MOBP: variants seen among roughly 807,000 people sequenced by gnomAD.
MOBP encodes myelin-associated oligodendrocyte basic protein.
MOBP carries 5 observed loss-of-function variants against 15.0 expected under a neutral mutation model. The ratio of observed to expected loss-of-function variants is 0.33; its 90% confidence interval spans 0.17 to 0.70. The LOEUF is 0.70. MOBP is among the 30% of genes least tolerant of loss of function. The probability of loss-of-function intolerance (pLI) is 0.67; values close to 1 mark genes in which losing one functional copy is unlikely to be tolerated. For missense variants in MOBP, 188 were observed against 257.8 expected, an observed-to-expected ratio of 0.73 and a Z score of 1.85; for synonymous variants, 88 against 99.0, an observed-to-expected ratio of 0.89 and a Z score of 0.66.
chr3:39,506,758 A>G (rs1248247755), downstream of MOBP, among the ~76,000 whole-genome samples: 1 of 152,190 alleles, frequency 6.6e-6, no homozygotes, highest in Non-Finnish European at 1.5e-5. Flanking sequence ...TGGCACCTGG[A>G]AGTGGGGCTG....
chr3:39,475,106 C>T (rs73066230), intron 1 of MOBP, among the ~76,000 whole-genome samples: 2,894 of 152,138 alleles, frequency 0.019, 50 homozygotes, highest in Non-Finnish European at 0.029. Context: ...CTCAGTTTTT[C>T]GTTGTCTTTC....
intron 1 of MOBP, among the ~76,000 whole-genome samples, chr3:39,474,885 G>A (rs1440634042): frequency 2.0e-5 from 3 of 152,054 alleles, no homozygotes; most frequent in African/African-American, 4.8e-5. Flanking sequence ...CCTTTACATT[G>A]CTTTCTTTAA....
intron 3 of MOBP, among the ~76,000 whole-genome samples, chr3:39,523,824 AC>A (rs1236613456): frequency 1.3e-5 from 2 of 152,178 alleles, no homozygotes; most frequent in Non-Finnish European, 2.9e-5. Context: ...CTGGGCTGAG[AC>A]ATGGTTTTAT....
chr3:39,477,055 A>G (rs553533820), intron 1 of MOBP, among the ~76,000 whole-genome samples: 3 of 152,030 alleles, frequency 2.0e-5, no homozygotes, highest in Admixed American at 6.5e-5. Flanking sequence ...GGTCAGACCT[A>G]TTTTATCTTT....
intron 1 of MOBP, among the ~76,000 whole-genome samples, chr3:39,471,419 G>T (rs1187332428): frequency 1.3e-5 from 2 of 152,128 alleles, no homozygotes; most frequent in African/African-American, 4.8e-5. Flanking sequence ...GTGAGCCACT[G>T]CACCCAGCAA....
At chr3:39,518,416 G>C (rs547706963), downstream of MOBP, among the ~76,000 whole-genome samples, 1 of 152,322 alleles carries the variant, frequency 6.6e-6, no homozygotes, top group Non-Finnish European at 1.5e-5. Flanking sequence ...CCATGTTTGA[G>C]AAGGTGACTG....
At chr3:39,512,993 C>T (rs816490) in intron 4 of MOBP, among the ~76,000 whole-genome samples, 34 of 152,136 alleles carry the variant, frequency 2.2e-4, no homozygotes, top group African/African-American at 6.5e-4. Flanking sequence ...TTTATAAGTG[C>T]ATATACTCTA....
chr3:39,527,463 G>C (rs1324682083), downstream of MOBP: 1 of 147,116 alleles, frequency 6.8e-6, no homozygotes, highest in Non-Finnish European at 1.5e-5. Flanking sequence ...TTTTGAGACG[G>C]AGTTTCTCTC....
At chr3:39,497,319 C>G (rs1420283273) in intron 2 of MOBP, among the ~76,000 whole-genome samples, 1 of 152,184 alleles carries the variant, frequency 6.6e-6, no homozygotes, top group Non-Finnish European at 1.5e-5. Flanking sequence ...AAACTCCATT[C>G]TCTATCTTTC....
intron 2 of MOBP, among the ~76,000 whole-genome samples, chr3:39,492,056 C>T (rs2042803350): frequency 6.6e-6 from 1 of 152,166 alleles, no homozygotes. Flanking sequence ...GCTGTCTAAG[C>T]CAATGGCCCA....
chr3:39,467,954 C>A (rs887352618), intron 1 of MOBP, among the ~76,000 whole-genome samples: 2 of 152,108 alleles, frequency 1.3e-5, no homozygotes, highest in African/African-American at 4.8e-5. Context: ...TGGAATGTTC[C>A]TGCTAATGTT....
At chr3:39,478,746 AT>A (rs34964580) in intron 1 of MOBP, among the ~76,000 whole-genome samples, 58,434 of 151,912 alleles carry the variant, frequency 0.38, 12,771 homozygotes, top group Non-Finnish European at 0.5. Flanking sequence ...TCTTCTGTAT[AT>A]TTTTTCAGCT....
At chr3:39,480,909 TC>T (rs914848531) in intron 2 of MOBP, among the ~76,000 whole-genome samples, 1 of 152,210 alleles carries the variant, frequency 6.6e-6, no homozygotes, top group Non-Finnish European at 1.5e-5. Flanking sequence ...ATTCACAACT[TC>T]CTTTCTTTTC....
intron 4 of MOBP, chr3:39,513,246 T>G (rs2043144174): frequency 1.5e-6 from 1 of 646,618 alleles, no homozygotes; most frequent in East Asian, 3.0e-5. Flanking sequence ...ATTAAGAAAT[T>G]AAAGAGAAGG....
intron 2 of MOBP, among the ~76,000 whole-genome samples, chr3:39,482,452 C>A (rs1165936586): frequency 6.6e-6 from 1 of 151,732 alleles, no homozygotes; most frequent in African/African-American, 2.4e-5. Context: ...GAGATCAAGA[C>A]CATCCTGGCA....
rs993072165 is a variant in MOBP at position 39,502,349 on chromosome 3, C to G, written c.206+74C>G. On this transcript the variant is annotated intron_variant, in intron 3 of 3. Coordinates refer to ENST00000684792, the MANE Select transcript of MOBP (RefSeq NM_001393704.1). The surrounding 1 kb of genome is among the most constrained non-coding windows in gnomAD (Gnocchi z 6.3). ...CTCGGCTCCCAGCACGCCCCTCCCG[C>G]TCCGCACCCCACTCTTCCCCCTAGT... The G allele has an allele frequency of 3.1e-6, 5 of 1,595,068 alleles. No individual in the cohort carries two copies. The African/African-American group carries it at 6.7e-5, about 21-fold the overall frequency.
intron 1 of MOBP, among the ~76,000 whole-genome samples, chr3:39,469,231 T>A (rs942543668): frequency 8.1e-6 from 1 of 123,358 alleles, no homozygotes; most frequent in Admixed American, 8.2e-5. Flanking sequence ...CATATATACA[T>A]ATGTGTGTGT....
chr3:39,479,381 A>G (rs1482433354), intron 1 of MOBP, among the ~76,000 whole-genome samples: 1 of 149,478 alleles, frequency 6.7e-6, no homozygotes, highest in African/African-American at 2.5e-5. Context: ...AATCTTTATA[A>G]TCTTATAAGA....
intron 2 of MOBP, among the ~76,000 whole-genome samples, chr3:39,494,961 A>G (rs2042855821): frequency 6.6e-6 from 1 of 152,112 alleles, no homozygotes; most frequent in South Asian, 2.1e-4. Flanking sequence ...AACAAACTCC[A>G]CAGTCCTCCA....
Sources: gnomAD v4.1 joint callset for allele counts (sites outside exome capture counted in the v4.1 genomes callset) on GRCh38, gnomAD v4.1.1 for gene constraint, Gnocchi (gnomAD v3.1) non-coding constraint, MANE v1.5 for transcripts, NCBI Gene and HGNC (gene_info 2026-07-23, HGNC 2026-07-21) for gene names.